NTM: variants seen among roughly 807,000 people sequenced by gnomAD.
NTM encodes IgLON family member 2.
Under a neutral mutation model 42.1 loss-of-function variants are expected in NTM, and 13 were observed. That is an observed-to-expected ratio of 0.31 (90% confidence interval 0.20 to 0.49). The LOEUF is 0.49. Among genes scored for constraint, NTM ranks in the 20% least tolerant of loss-of-function variants. The pLI, the probability that NTM is intolerant of heterozygous loss-of-function variation, is 0.99. For missense variants in NTM, 373 were observed against 452.8 expected (o/e 0.82, Z 1.60); for synonymous variants, 187 against 179.2 (o/e 1.04, Z -0.35).
At chr11:131,648,946 A>G (rs2066114989) in intron 1 of NTM, among the ~76,000 whole-genome samples, 1 of 152,236 alleles carries the variant, frequency 6.6e-6, no homozygotes, top group Non-Finnish European at 1.5e-5. Flanking sequence ...GGTTACATGA[A>G]TTCAAAGGTA....
intron 2 of NTM, among the ~76,000 whole-genome samples, chr11:131,921,881 C>T (rs1565742047): frequency 1.3e-5 from 2 of 152,198 alleles, no homozygotes; most frequent in Middle Eastern, 3.4e-3. Flanking sequence ...AAGTCACAGA[C>T]CCCCAACCCC....
chr11:131,886,630 C>T (rs1006732175), intron 1 of NTM, among the ~76,000 whole-genome samples: 5 of 152,200 alleles, frequency 3.3e-5, no homozygotes, highest in African/African-American at 1.2e-4. Context: ...TTGCTTGTGT[C>T]TCCTTCTGTT....
At chr11:131,646,835 A>T (rs187394147) in intron 1 of NTM, among the ~76,000 whole-genome samples, 13 of 152,322 alleles carry the variant, frequency 8.5e-5, no homozygotes, top group African/African-American at 3.1e-4. Context: ...CCAGTGAGAC[A>T]TATTTCCCAG....
intron 1 of NTM, among the ~76,000 whole-genome samples, chr11:131,624,693 T>C (rs965802648): frequency 2.2e-4 from 34 of 152,226 alleles, no homozygotes; most frequent in Non-Finnish European, 1.3e-4. Flanking sequence ...TGTTTTGTGC[T>C]TTGTGAAGTC....
intron 7 of NTM, among the ~76,000 whole-genome samples, chr11:132,316,434 G>A (rs997634779): frequency 6.6e-6 from 1 of 152,128 alleles, no homozygotes; most frequent in African/African-American, 2.4e-5. Flanking sequence ...CCTTTGGGAC[G>A]TTTCTACCAT....
intron 1 of NTM, among the ~76,000 whole-genome samples, chr11:131,712,723 A>C (rs1165194209): frequency 6.6e-6 from 1 of 152,006 alleles, no homozygotes; most frequent in African/African-American, 2.4e-5. Flanking sequence ...AGCTGGGACT[A>C]CAGATGCATG....
At chr11:131,956,598 C>T (rs1455533796) in intron 2 of NTM, among the ~76,000 whole-genome samples, 1 of 150,486 alleles carries the variant, frequency 6.6e-6, no homozygotes, top group Non-Finnish European at 1.5e-5. Context: ...ATCGGTGTCT[C>T]GGGGGGTTGG....
chr11:131,667,423 C>T (rs1017434118), intron 1 of NTM, among the ~76,000 whole-genome samples: 3 of 152,164 alleles, frequency 2.0e-5, no homozygotes, highest in South Asian at 4.1e-4. Context: ...GCTGGGTGCT[C>T]ACCCTTGAAT....
intron 2 of NTM, among the ~76,000 whole-genome samples, chr11:132,055,683 C>G (rs79483396): frequency 6.6e-6 from 1 of 150,588 alleles, no homozygotes; most frequent in African/African-American, 2.4e-5. Flanking sequence ...GAGAGAGAGA[C>G]AGAGAGAGAG....
At chr11:131,639,207 C>T (rs1042938453) in intron 1 of NTM, among the ~76,000 whole-genome samples, 5 of 152,182 alleles carry the variant, frequency 3.3e-5, no homozygotes, top group Admixed American at 1.3e-4. Context: ...AATGTTAAGA[C>T]GTCTTTTAGC....
intron 1 of NTM, among the ~76,000 whole-genome samples, chr11:131,389,366 G>A (rs1390173251): frequency 1.3e-5 from 2 of 152,166 alleles, no homozygotes; most frequent in African/African-American, 2.4e-5. Context: ...ACAATTTGCC[G>A]GTGCCCAGAA....
intron 1 of NTM, among the ~76,000 whole-genome samples, chr11:131,636,239 G>A (rs2064364275): frequency 1.3e-5 from 2 of 152,160 alleles, no homozygotes. Context: ...CTAGAGTTCC[G>A]AATCTGGCTC....
chr11:132,133,233 A>G (rs1278084898), intron 2 of NTM, among the ~76,000 whole-genome samples: 2 of 152,168 alleles, frequency 1.3e-5, no homozygotes, highest in Non-Finnish European at 2.9e-5. Context: ...TCCCTGACCC[A>G]TTAGACTAGG....
chr11:132,037,845 G>C (rs1351991296), intron 2 of NTM, among the ~76,000 whole-genome samples: 2 of 152,158 alleles, frequency 1.3e-5, no homozygotes, highest in African/African-American at 4.8e-5. Flanking sequence ...AGGTAATATT[G>C]TGATTATATA....
At chr11:132,096,276 C>G (rs1489883199) in intron 2 of NTM, among the ~76,000 whole-genome samples, 1 of 152,098 alleles carries the variant, frequency 6.6e-6, no homozygotes, top group African/African-American at 2.4e-5. Context: ...TGTAATTGGC[C>G]GGGCATTGGT....
chr11:131,514,527 G>A (rs2048647946), intron 1 of NTM, among the ~76,000 whole-genome samples: 1 of 152,064 alleles, frequency 6.6e-6, no homozygotes, highest in Non-Finnish European at 1.5e-5. Context: ...TTTCCTTACT[G>A]TATTATGTGT....
At chr11:131,872,147 A>G (rs567213639) in intron 1 of NTM, among the ~76,000 whole-genome samples, 2 of 152,298 alleles carry the variant, frequency 1.3e-5, no homozygotes, top group Admixed American at 6.5e-5. Flanking sequence ...GCCACCCTCA[A>G]TCAAGAGTAA....
In NTM at chr11:131,571,724, G is replaced by A. The variant is rs1439532900; in HGVS notation, c.82+200836G>A. Among the ~76,000 whole-genome samples, 9 of 152,296 alleles carry A rather than the reference G, an allele frequency of 5.9e-5. No homozygotes were observed. In the East Asian group the frequency reaches 1.7e-3, roughly 29 times the overall value. On this transcript the variant is annotated intron_variant, in intron 1 of 8. Coordinates refer to ENST00000683400, the MANE Select transcript of NTM (RefSeq NM_001352005.2). Reference sequence around the variant, plus strand: ...GGTGTAAAAAGACAAAAGAGATGTCGGATTTCCTTCTCTGAAACAGATCCC... The same window carrying A: ...GGTGTAAAAAGACAAAAGAGATGTCAGATTTCCTTCTCTGAAACAGATCCC...
At chr11:131,382,285 A>G (rs952537326) in intron 1 of NTM, among the ~76,000 whole-genome samples, 27 of 152,238 alleles carry the variant, frequency 1.8e-4, no homozygotes, top group African/African-American at 6.5e-4. Context: ...GATCCCACTT[A>G]CAAACAGGAG....
Sources: gnomAD v4.1 joint callset for allele counts (sites outside exome capture counted in the v4.1 genomes callset) on GRCh38, gnomAD v4.1.1 for gene constraint, MANE v1.5 for transcripts, NCBI Gene and HGNC (gene_info 2026-07-23, HGNC 2026-07-21) for gene names.